SNRPA: variants seen among roughly 807,000 people sequenced by gnomAD.
SNRPA encodes the protein U1 small nuclear ribonucleoprotein A.
A neutral mutation model predicts 24.5 loss-of-function variants in SNRPA; 10 were observed. The observed-to-expected ratio is 0.41, with a 90% CI of 0.25 to 0.69. The LOEUF (loss-of-function observed/expected upper bound fraction) is 0.69, where lower values mean the gene tolerates loss of function less well. Among genes scored for constraint, SNRPA ranks in the 30% least tolerant of loss-of-function variants. The pLI is 0.33. For missense variants in SNRPA, 283 were observed against 394.7 expected, an observed-to-expected ratio of 0.72 and a Z score of 2.40; for synonymous variants, 165 against 148.4, an observed-to-expected ratio of 1.11 and a Z score of -0.81.
intron 1 of SNRPA, among the ~76,000 whole-genome samples, chr19:40,756,350 C>G (rs926709491): frequency 2.0e-5 from 3 of 151,896 alleles, no homozygotes; most frequent in Non-Finnish European, 4.4e-5. Flanking sequence ...AATCCCAGCA[C>G]TTTCGGAGGC....
Position 40,759,425 on chromosome 19 carries a change from T to G in SNRPA, c.247-6T>G, listed in dbSNP as rs748170080. The G allele has an allele frequency of 6.2e-7, 1 of 1,609,400 alleles. No homozygotes were observed. The highest frequency in any genetic ancestry group is 8.5e-7 in the Non-Finnish European group (1 of 1,177,908). On this transcript the variant is annotated splice_region_variant and splice_polypyrimidine_tract_variant and intron_variant, in intron 2 of 5. Transcript: ENST00000243563. ...CTCTTAACCCGTTCTGCTCTCTGTT[T>G]GGTAGCGTATCCAGTATGCCAAGAC...
Position 40,759,538 on chromosome 19 carries a change from C to G in SNRPA, c.354C>G (p.Thr118=). The G allele has an allele frequency of 6.2e-7, 1 of 1,613,978 alleles. No homozygotes were observed. The highest frequency in any genetic ancestry group is 1.1e-5 in the South Asian group (1 of 91,066). Residue 118 remains threonine, a synonymous_variant, in exon 3 of 6, where the codon ACC becomes ACG. Transcript: ENST00000243563. Reference sequence around the variant, plus strand: ...AGAGGAAGCCCAAGAGCCAGGAGACCCCGGCCACCAAGAAGGCTGTGCAAG... The same window carrying G: ...AGAGGAAGCCCAAGAGCCAGGAGACGCCGGCCACCAAGAAGGCTGTGCAAG... The part of the protein sequence containing the change: ...REKRKPKSQE[T]PATKKAVQGG...
At position 40,763,687 on chromosome 19, in the gene SNRPA, C is replaced by T; in HGVS notation, c.689+12C>T. 1 of 1,610,348 alleles carries T rather than the reference C, an allele frequency of 6.2e-7. No homozygotes were observed. Among genetic ancestry groups the T allele is most frequent in the Non-Finnish European group, 8.5e-7 (1 of 1,176,626 alleles). On this transcript the variant is annotated intron_variant, in intron 5 of 5. Transcript: ENST00000243563. ...ATGCTTTTCAATCAGTAAGTGGGGC[C>T]TGTGGCTGGGTGGTCCCTGGAGGGT...
At chr19:40,753,293 C>A (rs901450415) in intron 1 of SNRPA, among the ~76,000 whole-genome samples, 1 of 144,924 alleles carries the variant, frequency 6.9e-6, no homozygotes, top group Non-Finnish European at 1.5e-5. Context: ...AAGCAGAGGT[C>A]GCAGTGAGCT....
chr19:40,761,673 G>A lies in SNRPA; in HGVS notation c.427-1228G>A, dbSNP rs146099837. Among the ~76,000 whole-genome samples, 759 of 151,590 alleles carry A rather than the reference G, an allele frequency of 5.0e-3. 6 individuals are homozygous for A. The highest frequency in any genetic ancestry group is 0.017 in the African/African-American group (711 of 41,354). On this transcript the variant is annotated intron_variant, in intron 3 of 5. Coordinates refer to ENST00000243563, the MANE Select transcript of SNRPA (RefSeq NM_004596.5). ...GTAGAGATGGGGTTTCACCATGTTG[G>A]CCAGGCTGGTCTCGAACTCCTGACC...
At chr19:40,760,472 C>T (rs995707668) in intron 3 of SNRPA, among the ~76,000 whole-genome samples, 3 of 152,186 alleles carry the variant, frequency 2.0e-5, no homozygotes, top group African/African-American at 7.2e-5. Flanking sequence ...TCAGTATTGT[C>T]AAGAGGTCAG....
chr19:40,757,819 G>A (rs992743564), intron 2 of SNRPA, among the ~76,000 whole-genome samples: 1 of 151,430 alleles, frequency 6.6e-6, no homozygotes, highest in Non-Finnish European at 1.5e-5. Flanking sequence ...GCATGCACCT[G>A]TAGTCCCAGC....
chr19:40,754,389 C>T lies in SNRPA; in HGVS notation c.73+2908C>T, dbSNP rs758539902. On this transcript the variant is annotated intron_variant, in intron 1 of 5. Transcript: ENST00000243563. ...TGCTGGGATTACAGGTGTGAACCACCGCACCCGGCCAGAACCCTGGTTCTT... is the reference window on the plus strand; with the variant it reads ...TGCTGGGATTACAGGTGTGAACCACTGCACCCGGCCAGAACCCTGGTTCTT... Among the ~76,000 whole-genome samples the T allele has an allele frequency of 6.5e-4, 99 of 152,100 alleles. 3 individuals carry two copies. Among genetic ancestry groups the T allele is most frequent in the Non-Finnish European group, 4.3e-4 (29 of 68,036 alleles).
chr19:40,751,461 A>G lies in SNRPA; in HGVS notation c.53A>G (p.Asn18Ser), dbSNP rs1255699323. 6.2e-7 allele frequency: 1 copy of G among 1,611,994 alleles called. No homozygotes were observed. The highest frequency in any genetic ancestry group is 8.5e-7 in the Non-Finnish European group (1 of 1,178,388). ...CACACTATTTATATCAACAACCTCAATGAGAAGATCAAGAAGGATGGTGAG... is the reference window on the plus strand; with the variant it reads ...CACACTATTTATATCAACAACCTCAGTGAGAAGATCAAGAAGGATGGTGAG... Reference protein sequence around the residue: ...PNHTIYINNLNEKIKKDELKK... With the variant: ...PNHTIYINNLSEKIKKDELKK... The change falls in exon 1 of 6, where the codon AAT becomes AGT. Residue 18 changes from asparagine (N) to serine (S), a missense_variant. Around this residue, in one of 6 missense-constraint regions of SNRPA, gnomAD observed 32 missense variants for 26.8 expected, o/e 1.19. Coordinates refer to ENST00000243563, the MANE Select transcript of SNRPA (RefSeq NM_004596.5).
At chr19:40,761,452 CTTTTTCTTTTTTTTTTTT>C (rs1220505399) in intron 3 of SNRPA, among the ~76,000 whole-genome samples, 15 of 96,408 alleles carry the variant, frequency 1.6e-4, no homozygotes, top group African/African-American at 5.0e-4. Context: ...TTTTCTTTTT[CTTTTTCTTTTTTTTTTTT>C]TTTTTTTTTT....
chr19:40,757,842 T>C (rs2082914957), intron 2 of SNRPA, among the ~76,000 whole-genome samples: 2 of 151,140 alleles, frequency 1.3e-5, no homozygotes, highest in South Asian at 4.2e-4. Flanking sequence ...CTCCTGTGGC[T>C]GAGGAAGGAG....
In SNRPA at chr19:40,757,946, A is replaced by AAAATAAATAAAT. The variant is rs202048036; in HGVS notation, c.246+463_246+474dup. Among the ~76,000 whole-genome samples, 283 of 149,582 alleles carry AAAATAAATAAAT rather than the reference A, an allele frequency of 1.9e-3. 1 individual carries two copies. Among genetic ancestry groups the AAAATAAATAAAT allele is most frequent in the Middle Eastern group, 6.8e-3 (2 of 292 alleles). The stretch of plus-strand genomic sequence containing the variant: ...AACAGAGTGAGACTCTGTCTCAGAA[A>AAAATAAATAAAT]AAATAAATAAATAAATAAATAAATA... On this transcript the variant is annotated intron_variant, in intron 2 of 5. Coordinates refer to ENST00000243563, the MANE Select transcript of SNRPA (RefSeq NM_004596.5).
At chr19:40,763,252 G>T (rs1044168618) in intron 4 of SNRPA, 178 bp downstream of exon 4, 1 of 602,128 alleles carries the variant, frequency 1.7e-6, no homozygotes, top group African/African-American at 1.9e-5. Context: ...TGGCATGCTG[G>T]TTGGAGGGTA....
intron 1 of SNRPA, among the ~76,000 whole-genome samples, chr19:40,752,310 C>T (rs189760454): frequency 3.3e-5 from 5 of 151,166 alleles, no homozygotes; most frequent in Admixed American, 2.0e-4. Context: ...GAACTACAGC[C>T]TGGGCAACAA....
rs369987275 is a variant in SNRPA at position 40,762,225 on chromosome 19, T to A, written c.427-676T>A. Among the ~76,000 whole-genome samples the A allele has an allele frequency of 3.7e-3, 565 of 151,948 alleles. 3 individuals are homozygous for A. The highest frequency in any genetic ancestry group is 0.014 in the Middle Eastern group (4 of 294). On this transcript the variant is annotated intron_variant, in intron 3 of 5. Coordinates refer to ENST00000243563, the MANE Select transcript of SNRPA (RefSeq NM_004596.5). Reference sequence around the variant, plus strand: ...ATCACTGCCCTCCTTTGTTTTTGTTTTTGTTTTTTGAGACAGAGACTTACT... The same window carrying A: ...ATCACTGCCCTCCTTTGTTTTTGTTATTGTTTTTTGAGACAGAGACTTACT...
Position 40,764,992 on chromosome 19 carries a change from T to C in SNRPA, c.690-16T>C. ...GGGGAAATGCTGAGTCCCTGAGGTCTGTCGTTCTCTTTCAGGTTCCCTGGC... is the reference window on the plus strand; with the variant it reads ...GGGGAAATGCTGAGTCCCTGAGGTCCGTCGTTCTCTTTCAGGTTCCCTGGC... On this transcript the variant is annotated splice_polypyrimidine_tract_variant and intron_variant, in intron 5 of 5. Coordinates refer to ENST00000243563, the MANE Select transcript of SNRPA (RefSeq NM_004596.5). The C allele has an allele frequency of 6.5e-7, 1 of 1,543,534 alleles. No individual in the cohort carries two copies. Among genetic ancestry groups the C allele is most frequent in the Non-Finnish European group, 8.7e-7 (1 of 1,146,432 alleles).
At chr19:40,754,339 A>T (rs1383214965) in intron 1 of SNRPA, among the ~76,000 whole-genome samples, 7 of 152,022 alleles carry the variant, frequency 4.6e-5, no homozygotes, top group Admixed American at 3.3e-4. Context: ...CTGAACTGTG[A>T]TCCACCCGCC....
intron 1 of SNRPA, among the ~76,000 whole-genome samples, chr19:40,755,257 C>CTTTTTTTTTTTTT (rs1004235207): frequency 1.8e-4 from 15 of 82,580 alleles, no homozygotes; most frequent in Admixed American, 3.1e-4. Context: ...TTTTTCTTTT[C>CTTTTTTTTTTTTT]TTTTTTTTTT....
chr19:40,764,433 C>T lies in SNRPA; in HGVS notation c.690-575C>T, dbSNP rs184920585. On this transcript the variant is annotated intron_variant, in intron 5 of 5. Coordinates refer to ENST00000243563, the MANE Select transcript of SNRPA (RefSeq NM_004596.5). ...AAAGCTGTATATTTTGTGAGAATGC[C>T]GATGGAAAAAAGGATACCTAGTAAA... Among the ~76,000 whole-genome samples the T allele has an allele frequency of 4.1e-4, 63 of 151,862 alleles. No individual in the cohort carries two copies. The Middle Eastern group carries it at 0.01, about 25-fold the overall frequency.
Sources: allele counts gnomAD v4.1 joint callset (sites outside exome capture counted in the v4.1 genomes callset), GRCh38; gene constraint gnomAD v4.1.1; regional missense constraint gnomAD v4.1.1; transcripts MANE v1.5; gene names NCBI Gene and HGNC (gene_info 2026-07-23, HGNC 2026-07-21).